NAPB: variants seen among roughly 807,000 people sequenced by gnomAD.
The protein encoded by NAPB is NSF attachment protein beta.
In NAPB, 26 loss-of-function variants were observed where a neutral mutation model predicts 44.7. The observed-to-expected ratio is 0.58, with a 90% CI of 0.43 to 0.81. The LOEUF (loss-of-function observed/expected upper bound fraction) is 0.81, where lower values mean the gene tolerates loss of function less well. NAPB is among the 30% of genes least tolerant of loss of function. The pLI, the probability that NAPB is intolerant of heterozygous loss-of-function variation, is 0.00. For missense variants in NAPB, 315 were observed against 356.4 expected (o/e 0.88, Z 0.94); for synonymous variants, 120 against 116.8 (o/e 1.03, Z -0.18).
chr20:23,405,307 C>G (rs374269197), intron 1 of NAPB, among the ~76,000 whole-genome samples: 2 of 143,650 alleles, frequency 1.4e-5, no homozygotes, highest in Non-Finnish European at 1.5e-5. Flanking sequence ...GAGAGAGAGA[C>G]AGAGAAAGAG....
At chr20:23,388,802 T>G (rs990320572) in intron 7 of NAPB, among the ~76,000 whole-genome samples, 29 of 146,644 alleles carry the variant, frequency 2.0e-4, no homozygotes, top group Admixed American at 6.2e-4. Flanking sequence ...AACTATACAA[T>G]TCCTATAACA....
intron 7 of NAPB, among the ~76,000 whole-genome samples, chr20:23,389,262 G>C (rs1427543261): frequency 7.6e-6 from 1 of 132,382 alleles, no homozygotes; most frequent in Non-Finnish European, 1.6e-5. Flanking sequence ...ACCAAAACAA[G>C]TATTGGTGAG....
intron 5 of NAPB, among the ~76,000 whole-genome samples, chr20:23,392,570 G>A (rs1984045180): frequency 6.6e-6 from 1 of 152,186 alleles, no homozygotes; most frequent in Non-Finnish European, 1.5e-5. Context: ...GAAGGCTGAG[G>A]TGGGAGGATC....
rs1420957830 is a variant in NAPB, at chr20:23,379,898, A to G, written c.704T>C (p.Phe235Ser). The G allele has an allele frequency of 6.2e-7, 1 of 1,613,242 alleles. No homozygotes were observed. Among genetic ancestry groups the G allele is most frequent in the Admixed American group, 1.7e-5 (1 of 60,012 alleles). The change falls in exon 9 of 11, where the codon TTT becomes TCT. Residue 235 changes from phenylalanine to serine, a missense_variant. Transcript: ENST00000377026. ...LEKYEEMFPA[F>S]TDSRECKLLK... ...TAATTTACATTCTCTTGAATCAGTA[A>G]ATGCTGGAAACATTTCCTCATATTT...
At chr20:23,397,260 A>T in intron 2 of NAPB, 72 bp from the exon 3 acceptor site, 1 of 1,483,298 alleles carries the variant, frequency 6.7e-7, no homozygotes, top group South Asian at 1.3e-5. Flanking sequence ...TAAGCACTGG[A>T]CCTCCCTAGA....
At chr20:23,407,361 TTC>T (rs1300731437) in intron 1 of NAPB, among the ~76,000 whole-genome samples, 1 of 152,220 alleles carries the variant, frequency 6.6e-6, no homozygotes, top group Non-Finnish European at 1.5e-5. Context: ...GGAAAAAATA[TTC>T]TGTGGGGAAT....
At chr20:23,393,942 G>T (rs962980923) in intron 5 of NAPB, among the ~76,000 whole-genome samples, 8 of 152,174 alleles carry the variant, frequency 5.3e-5, no homozygotes, top group Non-Finnish European at 7.3e-5. Context: ...TCTGGCATGT[G>T]TGCGGAACAG....
intron 10 of NAPB, 121 bp downstream of exon 10, chr20:23,379,324 A>G: frequency 1.4e-6 from 1 of 716,178 alleles, no homozygotes; most frequent in Admixed American, 3.2e-5. Context: ...GGAAAATACA[A>G]CTTAAGGTAT....
intron 7 of NAPB, among the ~76,000 whole-genome samples, chr20:23,387,053 AG>A (rs1290355951): frequency 2.6e-5 from 4 of 152,224 alleles, no homozygotes; most frequent in African/African-American, 9.6e-5. Context: ...CAATAGATGC[AG>A]AAAAAAGTTT....
At position 23,421,345 on chromosome 20, in the gene NAPB, G is replaced by T; in HGVS notation, c.58C>A (p.Arg20=). ...AGGAAGGAGTGGGAGGCCTTGACTCGCTTCTCGGCCTCCGCCATCAGCTGT... is the reference window on the plus strand; with the variant it reads ...AGGAAGGAGTGGGAGGCCTTGACTCTCTTCTCGGCCTCCGCCATCAGCTGT... The part of the protein sequence containing the change: ...AVQLMAEAEK[R]VKASHSFLRG... The change falls in exon 1 of 11, where the codon CGA becomes AGA. Residue 20 remains arginine, a synonymous_variant. Coordinates refer to ENST00000377026, the MANE Select transcript of NAPB (RefSeq NM_022080.3). 6.4e-7 allele frequency: 1 copy of T among 1,564,598 alleles called. No homozygotes were observed. Among genetic ancestry groups the T allele is most frequent in the Non-Finnish European group, 8.7e-7 (1 of 1,154,428 alleles).
intron 2 of NAPB, among the ~76,000 whole-genome samples, chr20:23,398,580 C>T (rs1385767900): frequency 6.6e-6 from 1 of 151,998 alleles, no homozygotes; most frequent in Non-Finnish European, 1.5e-5. Flanking sequence ...GTGGCTCAAG[C>T]CTATAATCCC....
chr20:23,421,425 G>A lies in NAPB; in HGVS notation c.-23C>T, dbSNP rs1568628651. The A allele has an allele frequency of 3.9e-6, 6 of 1,537,890 alleles. No homozygotes were observed. The highest frequency in any genetic ancestry group is 2.5e-5 in the East Asian group (1 of 39,698). The stretch of plus-strand genomic sequence containing the variant: ...CATGTCGCCCGCCGCGGCCGCCACA[G>A]CCCCCTCAGCCGGCTCGCTGTGCGC... On this transcript the variant is annotated 5_prime_UTR_variant, in exon 1 of 11. Transcript: ENST00000377026.
intron 1 of NAPB, among the ~76,000 whole-genome samples, chr20:23,412,093 TTC>T (rs1390898082): frequency 2.6e-5 from 4 of 152,220 alleles, no homozygotes; most frequent in African/African-American, 9.6e-5. Flanking sequence ...TCCCAAAGGC[TTC>T]TCTCAGTCAC....
intron 1 of NAPB, among the ~76,000 whole-genome samples, chr20:23,405,295 A>G (rs937384430): frequency 2.0e-5 from 3 of 150,536 alleles, no homozygotes; most frequent in African/African-American, 4.9e-5. Flanking sequence ...AAAAGAAAGA[A>G]AGAGAGAGAG....
intron 1 of NAPB, among the ~76,000 whole-genome samples, chr20:23,403,458 C>T (rs1985001965): frequency 6.6e-6 from 1 of 152,112 alleles, no homozygotes; most frequent in Non-Finnish European, 1.5e-5. Context: ...CAAAAATTAG[C>T]TGGGTGTGGT....
intron 1 of NAPB, among the ~76,000 whole-genome samples, chr20:23,419,601 G>C (rs1246544176): frequency 6.6e-6 from 1 of 152,176 alleles, no homozygotes; most frequent in Non-Finnish European, 1.5e-5. Context: ...GAGGTACTAT[G>C]ACATTAAATT....
chr20:23,394,888 G>C, intron 5 of NAPB, 34 bp downstream of exon 5: 1 of 1,594,366 alleles, frequency 6.3e-7, no homozygotes, highest in South Asian at 1.1e-5. Context: ...TTATCTGCCT[G>C]CTTCACATCT....
chr20:23,381,278 T>C lies in NAPB; in HGVS notation c.601A>G (p.Ser201Gly), dbSNP rs1255875451. ...GCTTTGAAGAAGTAATCCTTTGCAC[T>C]GTATTTCAACAAAGGATTATCCATT... ...NTMDNPLLKYSAKDYFFKAAL... is the reference protein window; with the variant it reads ...NTMDNPLLKYGAKDYFFKAAL... Residue 201 changes from serine (S) to glycine (G), a missense_variant, in exon 8 of 11, where the codon AGT becomes GGT. By Grantham distance (56) the Ser-to-Gly change is moderately conservative. Around this residue, in one of 3 missense-constraint regions of NAPB, gnomAD observed 120 missense variants for 130.5 expected, o/e 0.92. Coordinates refer to ENST00000377026, the MANE Select transcript of NAPB (RefSeq NM_022080.3). The C allele has an allele frequency of 6.8e-6, 11 of 1,608,270 alleles. No individual in the cohort carries two copies. The East Asian group carries it at 2.2e-4, about 33-fold the overall frequency.
intron 5 of NAPB, among the ~76,000 whole-genome samples, chr20:23,393,269 C>T (rs745422849): frequency 2.6e-5 from 4 of 151,798 alleles, no homozygotes; most frequent in Non-Finnish European, 4.4e-5. Context: ...CTGACTTGAT[C>T]AAGATCAGGG....
Sources: allele counts gnomAD v4.1 joint callset (sites outside exome capture counted in the v4.1 genomes callset), GRCh38; gene constraint gnomAD v4.1.1; regional missense constraint gnomAD v4.1.1; transcripts MANE v1.5; gene names NCBI Gene and HGNC (gene_info 2026-07-23, HGNC 2026-07-21).